Variants in BCL9 observed in about 807,000 individuals in gnomAD.
BCL9 encodes the protein B-cell CLL/lymphoma 9 protein.
Under a neutral mutation model 88.5 loss-of-function variants are expected in BCL9, and 25 were observed. The ratio of observed to expected loss-of-function variants is 0.28; its 90% confidence interval spans 0.21 to 0.39. The LOEUF is 0.39. BCL9 is among the 10% of genes least tolerant of loss of function. BCL9 has a pLI of 1.00. For missense variants in BCL9, 1,817 were observed against 1,877.8 expected (o/e 0.97, Z 0.60); for synonymous variants, 711 against 673.3 (o/e 1.06, Z -0.87).
chr1:147,562,866 G>C (rs1295734495), intron 1 of BCL9, among the ~76,000 whole-genome samples: 1 of 152,188 alleles, frequency 6.6e-6, no homozygotes, highest in Non-Finnish European at 1.5e-5. Flanking sequence ...ACTGCATTTA[G>C]AATAAAATCC....
chr1:147,609,768 T>C (rs1570900644), intron 3 of BCL9, among the ~76,000 whole-genome samples: 1 of 152,244 alleles, frequency 6.6e-6, no homozygotes, highest in South Asian at 2.1e-4. Flanking sequence ...GTTTCTGTTA[T>C]GGGAGAACTT....
In BCL9 at chr1:147,568,748, G is replaced by A. The variant is rs1427398435; in HGVS notation, c.-478+27074G>A. ...GTGAGGCCATCTTTGAAAAATGTCAGCTGTGTCTAGCCCCAGGGCATTGGG... is the reference window on the plus strand; with the variant it reads ...GTGAGGCCATCTTTGAAAAATGTCAACTGTGTCTAGCCCCAGGGCATTGGG... On this transcript the variant is annotated intron_variant, in intron 1 of 9. Coordinates refer to ENST00000234739, the MANE Select transcript of BCL9 (RefSeq NM_004326.4). 3.3e-5 allele frequency among the ~76,000 whole-genome samples: 5 copies of A among 152,168 alleles called. No individual in the cohort carries two copies. The East Asian group carries it at 9.6e-4, about 29-fold the overall frequency.
chr1:147,613,809 A>G (rs1658133145), intron 5 of BCL9, among the ~76,000 whole-genome samples: 1 of 152,228 alleles, frequency 6.6e-6, no homozygotes, highest in Non-Finnish European at 1.5e-5. Context: ...CTGTGGTTTT[A>G]GGCTTTTTCC....
intron 1 of BCL9, among the ~76,000 whole-genome samples, chr1:147,599,765 G>T (rs1553200941): frequency 6.8e-6 from 1 of 147,942 alleles, no homozygotes; most frequent in Non-Finnish European, 1.5e-5. Context: ...CGGGCCCGTA[G>T]TAAAATATCG....
Position 147,619,483 on chromosome 1 carries a change from A to G in BCL9, c.1328A>G (p.Asp443Gly). ...CATAGAGATGTACCCTTTTCTCCAG[A>G]TGAAATGGTTCCACCTTCTATGAAC... ...QGHRDVPFSPDEMVPPSMNSQ... is the reference protein window; with the variant it reads ...QGHRDVPFSPGEMVPPSMNSQ... The change falls in exon 8 of 10, where the codon GAT (aspartate) becomes GGT (glycine). Residue 443 changes from aspartate (D) to glycine (G), a missense_variant. By Grantham distance (94) the Asp-to-Gly change is moderately conservative. Around this residue, in one of 2 missense-constraint regions of BCL9, gnomAD observed 1,228 missense variants for 1,191.6 expected, o/e 1.03. Coordinates refer to ENST00000234739, the MANE Select transcript of BCL9 (RefSeq NM_004326.4). This position sits in a 1 kb window ranked among gnomAD's most constrained non-coding sequence, Gnocchi z 4.1. The G allele has an allele frequency of 6.2e-7, 1 of 1,614,058 alleles. No individual in the cohort carries two copies. The highest frequency in any genetic ancestry group is 8.5e-7 in the Non-Finnish European group (1 of 1,180,014).
chr1:147,551,455 A>G lies in BCL9; in HGVS notation c.-478+9781A>G, dbSNP rs149359919. On this transcript the variant is annotated intron_variant, in intron 1 of 9. Transcript: ENST00000234739. Reference sequence around the variant, plus strand: ...ATTAGGGTCTCTGACTCTGAGTGCCATGGTTAGTCAAGGATAAGTTTTGGA... The same window carrying G: ...ATTAGGGTCTCTGACTCTGAGTGCCGTGGTTAGTCAAGGATAAGTTTTGGA... Among the ~76,000 whole-genome samples the G allele has an allele frequency of 1.4e-3, 206 of 152,322 alleles. 1 individual carries two copies. Among genetic ancestry groups the G allele is most frequent in the Non-Finnish European group, 1.1e-3 (76 of 68,018 alleles).
intron 1 of BCL9, among the ~76,000 whole-genome samples, chr1:147,578,797 T>C (rs11240082): frequency 0.43 from 65,273 of 151,998 alleles, 14,918 homozygotes; most frequent in Admixed American, 0.56. Flanking sequence ...TTGTTATTCC[T>C]TTTGAATTTT....
rs587618656 is a variant in BCL9 at position 147,584,957 on chromosome 1, G to A, written c.-477-19820G>A. Among the ~76,000 whole-genome samples the A allele has an allele frequency of 4.6e-5, 7 of 152,168 alleles. No individual in the cohort carries two copies. The South Asian group carries it at 1.2e-3, about 27-fold the overall frequency. On this transcript the variant is annotated intron_variant, in intron 1 of 9. Coordinates refer to ENST00000234739, the MANE Select transcript of BCL9 (RefSeq NM_004326.4). ...GTTTTCTGGCCAAATAGCATCAACC[G>A]GCATAAAAAGAGCAAATCTCTGGAA...
intron 1 of BCL9, among the ~76,000 whole-genome samples, chr1:147,596,094 A>T (rs1553200427): frequency 6.6e-6 from 1 of 152,212 alleles, no homozygotes; most frequent in East Asian, 1.9e-4. Flanking sequence ...AGTTGTGAAG[A>T]GCAGGTATGT....
At chr1:147,617,347 G>C (rs1281144804) in intron 7 of BCL9, among the ~76,000 whole-genome samples, 1 of 152,176 alleles carries the variant, frequency 6.6e-6, no homozygotes, top group Non-Finnish European at 1.5e-5. Flanking sequence ...AATGTTTTCT[G>C]ACGTCATGGT....
intron 1 of BCL9, among the ~76,000 whole-genome samples, chr1:147,571,175 T>A (rs181037886): frequency 6.2e-4 from 94 of 152,292 alleles, no homozygotes; most frequent in African/African-American, 1.8e-3. Context: ...TGTGATCGGT[T>A]GTGGCATTTG....
chr1:147,615,102 A>G (rs1379212489), intron 6 of BCL9, among the ~76,000 whole-genome samples: 2 of 152,152 alleles, frequency 1.3e-5, no homozygotes, highest in African/African-American at 4.8e-5. Flanking sequence ...CAGCCTCCCA[A>G]AATGATGGGA....
intron 5 of BCL9, among the ~76,000 whole-genome samples, 186 bp from the exon 6 acceptor site, chr1:147,614,241 G>T (rs1658151706): frequency 6.6e-6 from 1 of 152,192 alleles, no homozygotes; most frequent in African/African-American, 2.4e-5. Flanking sequence ...AGCTGGGGAA[G>T]ACTGCTTTAT....
chr1:147,605,434 G>A lies in BCL9; in HGVS notation c.-343+523G>A, dbSNP rs942855313. Among the ~76,000 whole-genome samples, 3 of 152,332 alleles carry A rather than the reference G, an allele frequency of 2.0e-5. No individual in the cohort carries two copies. The South Asian group carries it at 6.2e-4, about 32-fold the overall frequency. Reference sequence around the variant, plus strand: ...ATCAAGGAGAATTTCACAGAGAAGGGACATCTGTGCTGAAATAATATTTTG... The same window carrying A: ...ATCAAGGAGAATTTCACAGAGAAGGAACATCTGTGCTGAAATAATATTTTG... On this transcript the variant is annotated intron_variant, in intron 2 of 9. Transcript: ENST00000234739.
chr1:147,572,768 C>T (rs938338490), intron 1 of BCL9, among the ~76,000 whole-genome samples: 22 of 152,250 alleles, frequency 1.4e-4, no homozygotes, highest in South Asian at 4.1e-4. Context: ...TTAGTAGAGA[C>T]GGAGTTTCGC....
At chr1:147,579,756 G>A (rs1460486786) in intron 1 of BCL9, among the ~76,000 whole-genome samples, 1 of 152,178 alleles carries the variant, frequency 6.6e-6, no homozygotes, top group Non-Finnish European at 1.5e-5. Context: ...GAGAACTCAC[G>A]TGATGCTGAG....
intron 8 of BCL9, among the ~76,000 whole-genome samples, chr1:147,621,561 A>G (rs1570921139): frequency 1.3e-5 from 2 of 152,272 alleles, no homozygotes. Context: ...ATCAGCTACA[A>G]TTTAGGAGGA....
At chr1:147,582,490 T>C (rs587661958) in intron 1 of BCL9, among the ~76,000 whole-genome samples, 1 of 152,334 alleles carries the variant, frequency 6.6e-6, no homozygotes, top group African/African-American at 2.4e-5. Context: ...CTCTTGCTAT[T>C]AGTGCCAAAT....
rs375315548 is a variant in BCL9, at chr1:147,619,229, C to T, written c.1074C>T (p.His358=). ...PDGLSQEQLE[H]RERSLQTLRD... Reference sequence around the variant, plus strand: ...GCCTATCTCAGGAGCAGCTGGAGCACCGGGAGCGCTCCTTACAAACTCTCA... The same window carrying T: ...GCCTATCTCAGGAGCAGCTGGAGCATCGGGAGCGCTCCTTACAAACTCTCA... The change falls in exon 8 of 10, where the codon CAC becomes CAT. Residue 358 remains histidine, a synonymous_variant. Transcript: ENST00000234739. This position sits in a 1 kb window ranked among gnomAD's most constrained non-coding sequence, Gnocchi z 4.1. 2 of 1,614,160 alleles carry T rather than the reference C, an allele frequency of 1.2e-6. No homozygotes were observed. Among genetic ancestry groups the T allele is most frequent in the Non-Finnish European group, 1.7e-6 (2 of 1,180,008 alleles).
Sources: allele counts gnomAD v4.1 joint callset (sites outside exome capture counted in the v4.1 genomes callset), GRCh38; gene constraint gnomAD v4.1.1; regional missense constraint gnomAD v4.1.1; non-coding constraint Gnocchi (gnomAD v3.1); transcripts MANE v1.5; gene names NCBI Gene and HGNC (gene_info 2026-07-23, HGNC 2026-07-21).